TDRD3: variants seen among roughly 807,000 people sequenced by gnomAD.
TDRD3 encodes the protein tudor domain containing 3, also known as tudor domain-containing protein 3.
A neutral mutation model predicts 86.7 loss-of-function variants in TDRD3; 45 were observed. The ratio of observed to expected loss-of-function variants is 0.52; its 90% confidence interval spans 0.41 to 0.67. TDRD3 has a LOEUF of 0.67. Ranked by LOEUF, TDRD3 falls within the 30% of genes least tolerant of loss-of-function variation. The pLI is 0.00. For synonymous variants in TDRD3, 298 were observed against 301.7 expected (o/e 0.99, Z 0.13); for missense variants, 814 against 889.0 (o/e 0.92, Z 1.07).
At chr13:60,504,152 A>G (rs1310124295) in intron 8 of TDRD3, among the ~76,000 whole-genome samples, 1 of 152,214 alleles carries the variant, frequency 6.6e-6, no homozygotes, top group Non-Finnish European at 1.5e-5. Flanking sequence ...TATCTTATCA[A>G]ATCTGAGATA....
chr13:60,398,441 C>T (rs1954003334), intron 1 of TDRD3, among the ~76,000 whole-genome samples: 1 of 152,178 alleles, frequency 6.6e-6, no homozygotes, highest in Non-Finnish European at 1.5e-5. Flanking sequence ...CACAGAGCTG[C>T]TGGAGATGAC....
At chr13:60,412,887 A>C (rs935667432) in intron 1 of TDRD3, among the ~76,000 whole-genome samples, 5 of 152,164 alleles carry the variant, frequency 3.3e-5, no homozygotes, top group Non-Finnish European at 7.4e-5. Context: ...AAGCAAAAGT[A>C]TATGTAAAAT....
chr13:60,462,190 A>G (rs1348691157), intron 4 of TDRD3, among the ~76,000 whole-genome samples: 4 of 152,218 alleles, frequency 2.6e-5, no homozygotes, highest in Non-Finnish European at 4.4e-5. Flanking sequence ...CCTATGACGA[A>G]TTCAGTCACA....
In TDRD3 at chr13:60,520,760, A is replaced by C. The variant is rs377615775; in HGVS notation, c.1142-7607A>C. On this transcript the variant is annotated intron_variant, in intron 10 of 13. Coordinates refer to ENST00000377881, the MANE Select transcript of TDRD3 (RefSeq NM_001146070.2). ...CACCAGCAGTTGATGCTCAGTAACTATGATGAGTAACAGTGAAGGAAAGAG... is the reference window on the plus strand; with the variant it reads ...CACCAGCAGTTGATGCTCAGTAACTCTGATGAGTAACAGTGAAGGAAAGAG... Among the ~76,000 whole-genome samples, 5 of 152,322 alleles carry C rather than the reference A, an allele frequency of 3.3e-5. No individual in the cohort carries two copies. In the South Asian group the frequency reaches 1.0e-3, roughly 32 times the overall value.
rs1957344110 is a variant in TDRD3, at chr13:60,523,805, G to C, written c.1142-4562G>C. Among the ~76,000 whole-genome samples the C allele has an allele frequency of 2.6e-5, 4 of 151,958 alleles. No homozygotes were observed. The South Asian group carries it at 8.3e-4, about 32-fold the overall frequency. ...TTGGCCAGACTAGTTTTGAACTCCT[G>C]ACCTCAAGTGATCCACCCACCTTGG... On this transcript the variant is annotated intron_variant, in intron 10 of 13. Coordinates refer to ENST00000377881, the MANE Select transcript of TDRD3 (RefSeq NM_001146070.2).
chr13:60,492,805 C>G (rs1259903045), intron 7 of TDRD3, among the ~76,000 whole-genome samples: 1 of 151,776 alleles, frequency 6.6e-6, no homozygotes, highest in African/African-American at 2.4e-5. Context: ...TTATCAGCTA[C>G]CTAATAGAGA....
At chr13:60,515,490 A>G (rs1044238263) in intron 10 of TDRD3, among the ~76,000 whole-genome samples, 1 of 152,158 alleles carries the variant, frequency 6.6e-6, no homozygotes, top group Admixed American at 6.5e-5. Flanking sequence ...ACATATATAT[A>G]TGGAAGATTA....
intron 1 of TDRD3, among the ~76,000 whole-genome samples, chr13:60,422,277 A>G (rs911898647): frequency 6.6e-6 from 1 of 152,228 alleles, no homozygotes; most frequent in Non-Finnish European, 1.5e-5. Context: ...AGGATTCATA[A>G]TATGCCCCCT....
At chr13:60,469,944 A>C (rs1956040446) in intron 5 of TDRD3, among the ~76,000 whole-genome samples, 1 of 152,218 alleles carries the variant, frequency 6.6e-6, no homozygotes, top group Non-Finnish European at 1.5e-5. Flanking sequence ...TGGCATTAAG[A>C]ACATTCGCAT....
chr13:60,482,164 G>A lies in TDRD3; in HGVS notation c.496-1611G>A, dbSNP rs1198204529. Among the ~76,000 whole-genome samples the A allele has an allele frequency of 2.6e-5, 4 of 152,148 alleles. No individual in the cohort carries two copies. The South Asian group carries it at 8.3e-4, about 32-fold the overall frequency. ...GTGACTCAAGGGAACTCCTTTGAGG[G>A]TTTCTGGAGCTTCTTTATTATGACA... is the stretch of plus-strand genomic sequence containing the variant. On this transcript the variant is annotated intron_variant, in intron 5 of 13. Transcript: ENST00000377881.
chr13:60,559,803 G>C (rs1315575475), intron 12 of TDRD3, among the ~76,000 whole-genome samples: 1 of 152,142 alleles, frequency 6.6e-6, no homozygotes, highest in Admixed American at 6.5e-5. Flanking sequence ...AATGGGTTCT[G>C]AAGATTTAAT....
upstream of TDRD3, chr13:60,397,088 C>T (rs374126390): frequency 8.6e-6 from 3 of 347,762 alleles, no homozygotes; most frequent in African/African-American, 6.3e-5. Context: ...ACCGTCCTGA[C>T]TCCAGCCACC....
intron 8 of TDRD3, among the ~76,000 whole-genome samples, chr13:60,507,751 T>C (rs1956970171): frequency 6.6e-6 from 1 of 152,098 alleles, no homozygotes; most frequent in Non-Finnish European, 1.5e-5. Context: ...CTATTCAACA[T>C]AGTATTGGAT....
chr13:60,544,443 TAA>T (rs34582725), intron 12 of TDRD3, among the ~76,000 whole-genome samples: 1,365 of 130,382 alleles, frequency 0.01, 19 homozygotes, highest in African/African-American at 0.034. Flanking sequence ...CATATCTCTT[TAA>T]AAAAAAAAAA....
chr13:60,511,799 G>T lies in TDRD3; in HGVS notation c.1141+1044G>T, dbSNP rs558529503. Among the ~76,000 whole-genome samples the T allele has an allele frequency of 4.9e-4, 74 of 152,176 alleles. 2 individuals are homozygous for T. The highest frequency in any genetic ancestry group is 1.8e-3 in the African/African-American group (73 of 41,500). On this transcript the variant is annotated intron_variant, in intron 10 of 13. Transcript: ENST00000377881. ...CTGGAGACTGCTTTATCTCCTAAAA[G>T]CTGCCTTCAGATTATTGCCACATGG... is the stretch of plus-strand genomic sequence containing the variant.
chr13:60,448,240 C>CAGCT (rs1320992384), intron 3 of TDRD3, among the ~76,000 whole-genome samples: 3 of 152,038 alleles, frequency 2.0e-5, no homozygotes, highest in Non-Finnish European at 4.4e-5. Flanking sequence ...GTTAGAAGAC[C>CAGCT]AGCTAATCCT....
chr13:60,467,456 A>C, intron 5 of TDRD3, 77 bp downstream of exon 5: 1 of 1,505,376 alleles, frequency 6.6e-7, no homozygotes. Flanking sequence ...TTCAATAATG[A>C]GTAAAATTAG....
intron 12 of TDRD3, among the ~76,000 whole-genome samples, chr13:60,551,731 G>T (rs994142764): frequency 3.3e-5 from 5 of 152,282 alleles, no homozygotes; most frequent in African/African-American, 1.2e-4. Flanking sequence ...TTAAGAAGAG[G>T]TTTAATTGAC....
At chr13:60,447,785 A>G (rs1955439224) in intron 3 of TDRD3, among the ~76,000 whole-genome samples, 2 of 152,290 alleles carry the variant, frequency 1.3e-5, no homozygotes, top group Admixed American at 1.3e-4. Flanking sequence ...AGAAAGCCAA[A>G]GGAGAGTGAG....
Sources: gnomAD v4.1 joint callset for allele counts (sites outside exome capture counted in the v4.1 genomes callset) on GRCh38, gnomAD v4.1.1 for gene constraint, MANE v1.5 for transcripts, NCBI Gene and HGNC (gene_info 2026-07-23, HGNC 2026-07-21) for gene names.